Variants in SH3GL3 observed in about 807,000 individuals in gnomAD.
The protein encoded by SH3GL3 is endophilin-A3.
A neutral mutation model predicts 47.7 loss-of-function variants in SH3GL3; 33 were observed. The observed-to-expected ratio is 0.69, with a 90% CI of 0.52 to 0.92. SH3GL3 has a LOEUF of 0.92. Among genes scored for constraint, SH3GL3 ranks in the 40% least tolerant of loss-of-function variants. The pLI is 0.00. For missense variants in SH3GL3, 363 were observed against 417.8 expected (o/e 0.87, Z 1.14); for synonymous variants, 155 against 148.8 (o/e 1.04, Z -0.30).
At chr15:83,625,128 A>T in the SH3GL3 span, among the ~76,000 whole-genome samples, 5 of 152,088 alleles carry the variant, frequency 3.3e-5, no homozygotes, top group African/African-American at 4.8e-5. Flanking sequence ...GCATGGTGGC[A>T]CACGCCTGTA....
At chr15:83,554,624 G>A (rs1421429168) in intron 1 of SH3GL3, among the ~76,000 whole-genome samples, 4 of 152,128 alleles carry the variant, frequency 2.6e-5, no homozygotes, top group Non-Finnish European at 4.4e-5. Flanking sequence ...CTGACCTCAG[G>A]TGATCCACCC....
intron 1 of SH3GL3, among the ~76,000 whole-genome samples, chr15:83,487,744 G>A (rs1191384513): frequency 1.3e-5 from 2 of 152,104 alleles, no homozygotes; most frequent in African/African-American, 4.8e-5. Flanking sequence ...GGCTGAGCTG[G>A]TGGCACCACC....
chr15:83,485,325 T>C (rs1180236777), intron 1 of SH3GL3, among the ~76,000 whole-genome samples: 1 of 152,212 alleles, frequency 6.6e-6, no homozygotes, highest in African/African-American at 2.4e-5. Flanking sequence ...CATATATTAA[T>C]GTAGGTGCCT....
intron 1 of SH3GL3, among the ~76,000 whole-genome samples, chr15:83,549,823 G>A (rs188017228): frequency 6.6e-6 from 1 of 152,240 alleles, no homozygotes; most frequent in Admixed American, 6.5e-5. Flanking sequence ...TAGTAAGACT[G>A]CTGCAAGTTC....
At chr15:83,521,798 T>C (rs1475940775) in intron 1 of SH3GL3, among the ~76,000 whole-genome samples, 2 of 152,112 alleles carry the variant, frequency 1.3e-5, no homozygotes, top group Non-Finnish European at 2.9e-5. Flanking sequence ...GGCCCGTGGG[T>C]CAGTTGGGAA....
At chr15:83,551,212 A>G (rs1314805858) in intron 1 of SH3GL3, among the ~76,000 whole-genome samples, 1 of 152,210 alleles carries the variant, frequency 6.6e-6, no homozygotes, top group Non-Finnish European at 1.5e-5. Context: ...AAAGCTGCCA[A>G]GAAGTAGATG....
chr15:83,540,007 G>A (rs1021751259), intron 1 of SH3GL3, among the ~76,000 whole-genome samples: 1 of 152,128 alleles, frequency 6.6e-6, no homozygotes, highest in South Asian at 2.1e-4. Flanking sequence ...GCTGCATCTC[G>A]TAAGCTTAGG....
intron 1 of SH3GL3, among the ~76,000 whole-genome samples, chr15:83,525,346 T>TCGTGTG (rs1555488720): frequency 1.4e-5 from 1 of 73,948 alleles, no homozygotes; most frequent in Non-Finnish European, 2.6e-5. Context: ...ATGAGATTCT[T>TCGTGTG]TGTGCGTGTG....
chr15:83,483,939 T>G (rs1408108290), intron 1 of SH3GL3, among the ~76,000 whole-genome samples: 1 of 152,238 alleles, frequency 6.6e-6, no homozygotes, highest in African/African-American at 2.4e-5. Context: ...TTTATAGTCC[T>G]ATGGCCATTC....
At chr15:83,565,474 T>C (rs2045490573) in intron 3 of SH3GL3, 1 of 335,864 alleles carries the variant, frequency 3.0e-6, no homozygotes, top group Non-Finnish European at 5.4e-6. Flanking sequence ...GCAAAGGTTT[T>C]ATGAGTTGCT....
In SH3GL3 at chr15:83,447,546, G is replaced by C. The variant is rs756581149; in HGVS notation, c.13G>C (p.Gly5Arg). 6.0e-6 allele frequency: 9 copies of C among 1,505,338 alleles called. No individual in the cohort carries two copies. The highest frequency in any genetic ancestry group is 1.3e-5 in the South Asian group (1 of 79,806). 93.2% of individuals were successfully genotyped at this position (1,505,338 alleles called of 1,614,324 possible). A position where few individuals can be genotyped will look rare whatever the true frequency, so the allele number is the denominator to read the frequency against. ...GGTCGCAGTCGCGATGTCGGTGGCC[G>C]GGCTGAAGAAGCAGTTCCACAAAGC... MSVA[G>R]LKKQFHKASQ... The change falls in exon 1 of 9, where the codon GGG (glycine) becomes CGG (arginine). Residue 5 changes from glycine (G) to arginine (R), a missense_variant. Transcript: ENST00000427482. This position sits in a 1 kb window ranked among gnomAD's most constrained non-coding sequence, Gnocchi z 5.1.
At chr15:83,514,276 C>T (rs2042890592) in intron 1 of SH3GL3, among the ~76,000 whole-genome samples, 1 of 152,166 alleles carries the variant, frequency 6.6e-6, no homozygotes, top group Non-Finnish European at 1.5e-5. Flanking sequence ...ACTGGCAATT[C>T]AGCCCTCTGT....
At chr15:83,576,334 A>T (rs2059676565) in intron 5 of SH3GL3, among the ~76,000 whole-genome samples, 1 of 152,320 alleles carries the variant, frequency 6.6e-6, no homozygotes, top group East Asian at 1.9e-4. Flanking sequence ...ATTACATTCC[A>T]TAAAGACACT....
the SH3GL3 span, among the ~76,000 whole-genome samples, chr15:83,630,093 G>A: frequency 6.6e-6 from 1 of 152,174 alleles, no homozygotes. Flanking sequence ...CCCTGCACAT[G>A]CACTCTGGCC....
At chr15:83,524,581 ACCC>A in intron 1 of SH3GL3, among the ~76,000 whole-genome samples, 1 of 152,060 alleles carries the variant, frequency 6.6e-6, no homozygotes, top group African/African-American at 2.4e-5. Flanking sequence ...AATTATAGTC[ACCC>A]TACTCTGTTA....
chr15:83,618,793 C>G (rs142691496), downstream of SH3GL3: 1 of 166,300 alleles, frequency 6.0e-6, no homozygotes, highest in African/African-American at 2.4e-5. Context: ...GCACAGTCTT[C>G]CAGCTGCAAA....
chr15:83,508,121 T>C (rs1567284203), intron 1 of SH3GL3, among the ~76,000 whole-genome samples: 1 of 151,964 alleles, frequency 6.6e-6, no homozygotes, highest in African/African-American at 2.4e-5. Context: ...TTTGTATTTT[T>C]AGTAGAGACG....
chr15:83,615,754 C>T (rs2060795944), intron 8 of SH3GL3, among the ~76,000 whole-genome samples: 1 of 152,084 alleles, frequency 6.6e-6, no homozygotes, highest in Admixed American at 6.6e-5. Flanking sequence ...AAAGGCAATA[C>T]TTGAAATCAC....
At chr15:83,585,706 A>G (rs946689217) in intron 6 of SH3GL3, among the ~76,000 whole-genome samples, 3 of 152,192 alleles carry the variant, frequency 2.0e-5, no homozygotes, top group African/African-American at 7.2e-5. Flanking sequence ...TGGAAATTTA[A>G]GGCTAGGCTT....
Sources: gnomAD v4.1 joint callset for allele counts (sites outside exome capture counted in the v4.1 genomes callset) on GRCh38, gnomAD v4.1.1 for gene constraint, Gnocchi (gnomAD v3.1) non-coding constraint, MANE v1.5 for transcripts, NCBI Gene and HGNC (gene_info 2026-07-23, HGNC 2026-07-21) for gene names.